Variants in LILRA1 observed in about 807,000 individuals in gnomAD.
LILRA1 encodes leukocyte immunoglobulin-like receptor subfamily A member 1.
A neutral mutation model predicts 51.6 loss-of-function variants in LILRA1; 51 were observed. The ratio of observed to expected loss-of-function variants is 0.99; its 90% CI spans 0.79 to 1.25. LILRA1 has a LOEUF of 1.25. Among genes scored for constraint, LILRA1 ranks in the 50% most tolerant of loss-of-function variants. The pLI is 0.00. For missense variants in LILRA1, 660 were observed against 611.7 expected, an observed-to-expected ratio of 1.08 and a Z score of -0.83; for synonymous variants, 305 against 248.4, an observed-to-expected ratio of 1.23 and a Z score of -2.14.
chr19:54,599,134 C>T, intron 7 of LILRA1, 102 bp from the exon 8 acceptor site: 1 of 1,324,604 alleles, frequency 7.5e-7, no homozygotes, highest in South Asian at 1.2e-5. Flanking sequence ...ACACCCACCT[C>T]TCCTTGACAG....
At chr19:54,599,419 T>C (rs981514376) in intron 8 of LILRA1, 133 bp downstream of exon 8, 2 of 1,340,988 alleles carry the variant, frequency 1.5e-6, no homozygotes, top group African/African-American at 1.5e-5. Context: ...TCAACACCTT[T>C]AATGATTTAT....
Position 54,600,971 on chromosome 19 carries a change from C to T in LILRA1, c.*154C>T. ...GCCAATCATTTTTAGAGGGAGGAAT[C>T]AGTGTTGGATTGCAGAGACATTTTC... On this transcript the variant is annotated 3_prime_UTR_variant, in exon 10 of 10. Coordinates refer to ENST00000251372, the MANE Select transcript of LILRA1 (RefSeq NM_006863.4). 1 of 833,386 alleles carries T rather than the reference C, an allele frequency of 1.2e-6. No homozygotes were observed. Among genetic ancestry groups the T allele is most frequent in the African/African-American group, 1.7e-5 (1 of 59,290 alleles). 51.6% of individuals were successfully genotyped at this position (833,386 alleles called of 1,614,324 possible).
intron 6 of LILRA1, 120 bp from the exon 7 acceptor site, chr19:54,596,069 C>T (rs1279660281): frequency 7.9e-5 from 35 of 440,636 alleles, no homozygotes; most frequent in Middle Eastern, 6.1e-4. Context: ...AGGGGATGGG[C>T]GGGGCGGGGA....
At chr19:54,597,139 G>T (rs1258959923) in intron 7 of LILRA1, among the ~76,000 whole-genome samples, 1 of 152,248 alleles carries the variant, frequency 6.6e-6, no homozygotes, top group African/African-American at 2.4e-5. Flanking sequence ...CAACCTCTAA[G>T]TCCTGACCCC....
At chr19:54,600,361 C>T in intron 8 of LILRA1, 151 bp from the exon 9 acceptor site, 1 of 719,334 alleles carries the variant, frequency 1.4e-6, no homozygotes, top group Non-Finnish European at 2.4e-6. Flanking sequence ...TGAAATAATT[C>T]AATAAGGACA....
In LILRA1 at chr19:54,595,909, G is replaced by A. The variant is rs1476376639; in HGVS notation, c.932G>A (p.Ser311Asn). 3.0e-5 allele frequency: 48 copies of A among 1,613,192 alleles called. No individual in the cohort carries two copies. Among genetic ancestry groups the A allele is most frequent in the Non-Finnish European group, 3.9e-5 (46 of 1,179,970 alleles). ...CTCTCCTCCGAGTGGTCGGCCCCCA[G>A]CGACCCCCTGGACATCCTGATCGCA... ...YNLSSEWSAP[S>N]DPLDILIAGQ... The change falls in exon 6 of 10, where the codon AGC (serine) becomes AAC (asparagine). Residue 311 changes from serine (S) to asparagine (N), a missense_variant. By Grantham distance (46) the Ser-to-Asn change is conservative. Coordinates refer to ENST00000251372, the MANE Select transcript of LILRA1 (RefSeq NM_006863.4).
Position 54,594,462 on chromosome 19 carries a change from C to A in LILRA1, c.56C>A (p.Thr19Asn), listed in dbSNP as rs747534144. ...ICLRLSLGPR[T>N]HVQAGTLPKP... ...CCAGGGCTGAGTCTGGGCCCCCGGA[C>A]CCACGTGCAGGCAGGTGAGTCTGTC... The change falls in exon 3 of 10, where the codon ACC becomes AAC. Residue 19 changes from threonine to asparagine, a missense_variant. Coordinates refer to ENST00000251372, the MANE Select transcript of LILRA1 (RefSeq NM_006863.4). 3 of 1,614,166 alleles carry A rather than the reference C, an allele frequency of 1.9e-6. No individual in the cohort carries two copies. The African/African-American group carries it at 4.0e-5, about 22-fold the overall frequency.
chr19:54,595,326 C>G lies in LILRA1; in HGVS notation c.585C>G (p.Tyr195Ter), dbSNP rs774125111. 4 of 1,614,122 alleles carry G rather than the reference C, an allele frequency of 2.5e-6. No homozygotes were observed. The highest frequency in any genetic ancestry group is 3.4e-6 in the Non-Finnish European group (4 of 1,179,966). Residue 195 changes from tyrosine to a stop codon, truncating the protein, a stop_gained, in exon 5 of 10, where the codon TAC (tyrosine) becomes TAG (stop). Coordinates refer to ENST00000251372, the MANE Select transcript of LILRA1 (RefSeq NM_006863.4). LOFTEE classifies it high-confidence loss of function. ...TGAGCCCGAGTCGCAGGTGGTCGTA[C>G]AGGTGCTATGCTTATGACTCGAACT... The part of the protein sequence containing the change: ...GPVSPSRRWS[Y>*]RCYAYDSNSP...
intron 7 of LILRA1, among the ~76,000 whole-genome samples, chr19:54,598,804 AT>A (rs200572702): frequency 0.035 from 5,351 of 151,856 alleles, 123 homozygotes; most frequent in South Asian, 0.056. Flanking sequence ...ATTAAAAAAA[AT>A]TTTTTTTGAG....
intron 4 of LILRA1, 43 bp from the exon 5 acceptor site, chr19:54,595,057 G>A: frequency 6.2e-7 from 1 of 1,602,490 alleles, no homozygotes; most frequent in Non-Finnish European, 8.5e-7. Flanking sequence ...GATGAAGTGG[G>A]AGGTGTGAGC....
Position 54,595,683 on chromosome 19 carries a change from G to A in LILRA1, c.706G>A (p.Val236Met), listed in dbSNP as rs1469339514. ...ACTCTCAGTGCAGCCAGGTCCTATA[G>A]TGGCCCCTGGGGAGAGCCTGACCCT... ...PSLSVQPGPI[V>M]APGESLTLQC... Residue 236 changes from valine to methionine, a missense_variant, in exon 6 of 10, where the codon GTG becomes ATG. Transcript: ENST00000251372. 15 of 1,613,860 alleles carry A rather than the reference G, an allele frequency of 9.3e-6. No individual in the cohort carries two copies. Among genetic ancestry groups the A allele is most frequent in the Non-Finnish European group, 1.3e-5 (15 of 1,179,906 alleles).
In LILRA1 at chr19:54,595,583, G is replaced by A. The variant is rs1479269788; in HGVS notation, c.662-56G>A. 10 of 612,828 alleles carry A rather than the reference G, an allele frequency of 1.6e-5. No homozygotes were observed. The East Asian group carries it at 2.7e-4, about 17-fold the overall frequency. The allele number at this position is 612,828 out of a possible 1,614,324, so 38.0% of individuals were successfully genotyped here. A position where few individuals can be genotyped will look rare whatever the true frequency, so the allele number is the denominator to read the frequency against. Reference sequence around the variant, plus strand: ...TGGTGAGGCCCCGGGGGAGAGGGAGGATATGTGGGGAAGCCTGAGGGTCGG... The same window carrying A: ...TGGTGAGGCCCCGGGGGAGAGGGAGAATATGTGGGGAAGCCTGAGGGTCGG... On this transcript the variant is annotated intron_variant, in intron 5 of 9. Coordinates refer to ENST00000251372, the MANE Select transcript of LILRA1 (RefSeq NM_006863.4).
Position 54,599,234 on chromosome 19 carries a change from A to G in LILRA1, c.1262-2A>G. On this transcript the variant is annotated splice_acceptor_variant, in intron 7 of 9. Coordinates refer to ENST00000251372, the MANE Select transcript of LILRA1 (RefSeq NM_006863.4). LOFTEE classifies it high-confidence loss of function. ...TCTCTTCTCCTCTGTTTTGATTCTC[A>G]GGAGCAGCTGAGACCCTCAGCCCAC... is the stretch of plus-strand genomic sequence containing the variant. The G allele has an allele frequency of 6.4e-7, 1 of 1,567,866 alleles. No individual in the cohort carries two copies. The highest frequency in any genetic ancestry group is 8.7e-7 in the Non-Finnish European group (1 of 1,151,742).
In LILRA1 at chr19:54,600,505, T is replaced by G. The variant is rs112026011; in HGVS notation, c.1313-7T>G. On this transcript the variant is annotated splice_region_variant and splice_polypyrimidine_tract_variant and intron_variant, in intron 8 of 9. Transcript: ENST00000251372. ...TCAGGGCTCTTCCCCTCTGTTTTTA[T>G]TCTCAGGAGCAGCTAACACCCTCAG... 1.8e-4 allele frequency: 285 copies of G among 1,614,106 alleles called. 1 individual carries two copies. The African/African-American group carries it at 3.5e-3, about 20-fold the overall frequency.
Position 54,594,894 on chromosome 19 carries a change from C to A in LILRA1, c.300C>A (p.Tyr100Ter), listed in dbSNP as rs528674997. ...WEHTGRYRCF[Y>*]GSHTAGWSEP... ...ACACAGGGCGGTATCGCTGTTTCTACGGTAGCCACACTGCAGGCTGGTCAG... is the reference window on the plus strand; with the variant it reads ...ACACAGGGCGGTATCGCTGTTTCTAAGGTAGCCACACTGCAGGCTGGTCAG... The change falls in exon 4 of 10, where the codon TAC becomes TAA. Residue 100 changes from tyrosine (Y) to a stop codon, truncating the protein, a stop_gained. Coordinates refer to ENST00000251372, the MANE Select transcript of LILRA1 (RefSeq NM_006863.4). LOFTEE classifies it high-confidence loss of function. The A allele has an allele frequency of 1.3e-5, 20 of 1,593,442 alleles. No homozygotes were observed. The highest frequency in any genetic ancestry group is 1.7e-5 in the Non-Finnish European group (20 of 1,164,774).
intron 8 of LILRA1, chr19:54,599,845 C>T (rs1795117313): frequency 5.5e-6 from 1 of 182,514 alleles, no homozygotes; most frequent in Admixed American, 5.8e-5. Context: ...ATGTTTGTTC[C>T]TGGTCTAGAT....
intron 3 of LILRA1, 34 bp from the exon 4 acceptor site, chr19:54,594,631 A>G: frequency 5.6e-6 from 9 of 1,609,308 alleles, no homozygotes; most frequent in Non-Finnish European, 7.6e-6. Flanking sequence ...TGGGTGGGAA[A>G]TGACTTAGAA....
In LILRA1 at chr19:54,600,976, T is replaced by C; in HGVS notation, c.*159T>C. The C allele has an allele frequency of 2.5e-6, 2 of 797,874 alleles. No individual in the cohort carries two copies. Among genetic ancestry groups the C allele is most frequent in the Non-Finnish European group, 4.2e-6 (2 of 478,882 alleles). 49.4% of individuals were successfully genotyped at this position (797,874 alleles called of 1,614,324 possible). On this transcript the variant is annotated 3_prime_UTR_variant, in exon 10 of 10. Transcript: ENST00000251372. ...TCATTTTTAGAGGGAGGAATCAGTG[T>C]TGGATTGCAGAGACATTTTCTGGAG...
At chr19:54,596,138 T>G (rs774137991) in intron 6 of LILRA1, 51 bp from the exon 7 acceptor site, 8 of 1,585,282 alleles carry the variant, frequency 5.0e-6, no homozygotes, top group Non-Finnish European at 6.0e-6. Context: ...TGGGGAGGCG[T>G]CAGCTCAGAA....
Sources: allele counts gnomAD v4.1 joint callset (sites outside exome capture counted in the v4.1 genomes callset), GRCh38; gene constraint gnomAD v4.1.1; transcripts MANE v1.5; gene names NCBI Gene and HGNC (gene_info 2026-07-23, HGNC 2026-07-21).